Variants in CACNB1 observed in about 807,000 individuals in gnomAD.
CACNB1 encodes the protein voltage-dependent L-type calcium channel subunit beta-1.
CACNB1 carries 29 observed loss-of-function variants against 71.6 expected under a neutral mutation model. That is an observed-to-expected ratio of 0.40 (90% CI 0.30 to 0.55). The LOEUF (loss-of-function observed/expected upper bound fraction) is 0.55. Ranked by LOEUF, CACNB1 falls within the 20% of genes least tolerant of loss-of-function variation. The pLI is 0.38. For synonymous variants in CACNB1, 300 were observed against 319.6 expected, an observed-to-expected ratio of 0.94 and a Z score of 0.65; for missense variants, 623 against 801.8, an observed-to-expected ratio of 0.78 and a Z score of 2.69.
rs772947242 is a variant in CACNB1, at chr17:39,177,986, G to T, written c.1144C>A (p.Pro382Thr). 6.2e-7 allele frequency: 1 copy of T among 1,611,850 alleles called. No homozygotes were observed. Among genetic ancestry groups the T allele is most frequent in the South Asian group, 1.1e-5 (1 of 91,026 alleles). The change falls in exon 12 of 14, where the codon CCT becomes ACT. Residue 382 changes from proline to threonine, a missense_variant and splice_region_variant. Transcript: ENST00000394303. Reference sequence around the variant, plus strand: ...TTCCCTGGGATCTAGGCACTCACAGGGGGGCACTGTGCCAGCTTTTCCGAG... The same window carrying T: ...TTCCCTGGGATCTAGGCACTCACAGTGGGGCACTGTGCCAGCTTTTCCGAG... ...AASEKLAQCP[P>T]EMFDIILDEN...
At position 39,175,414 on chromosome 17, in the gene CACNB1, G is replaced by T; in HGVS notation, c.1576C>A (p.Pro526Thr). The T allele has an allele frequency of 6.2e-7, 1 of 1,614,204 alleles. No individual in the cohort carries two copies. Among genetic ancestry groups the T allele is most frequent in the Non-Finnish European group, 8.5e-7 (1 of 1,180,038 alleles). The change falls in exon 14 of 14, where the codon CCC becomes ACC. Residue 526 changes from proline to threonine, a missense_variant. By Grantham distance (38) the Pro-to-Thr change is conservative. Coordinates refer to ENST00000394303, the MANE Select transcript of CACNB1 (RefSeq NM_000723.5). The surrounding 1 kb of genome is among the most constrained non-coding windows in gnomAD (Gnocchi z 4.7). ...GDSCVDMETDPSEGPGLGDPA... is the reference protein window; with the variant it reads ...GDSCVDMETDTSEGPGLGDPA... Reference sequence around the variant, plus strand: ...TCTCCAAGCCCTGGCCCCTCTGAGGGGTCAGTCTCCATGTCCACACATGAG... The same window carrying T: ...TCTCCAAGCCCTGGCCCCTCTGAGGTGTCAGTCTCCATGTCCACACATGAG...
chr17:39,187,150 C>A, intron 4 of CACNB1: 3 of 608,780 alleles, frequency 4.9e-6, no homozygotes, highest in South Asian at 4.0e-5. Flanking sequence ...CTGCCACCGG[C>A]CCAATGCAAT....
rs776060058 is a variant in CACNB1, at chr17:39,191,658, C to A, written c.172-65G>T. ...CTCCCAGCTCCTGGGCCTGGGAAGG[C>A]ATGGAGGTGCCACCCATCATGGATG... On this transcript the variant is annotated intron_variant, in intron 2 of 13. Transcript: ENST00000394303. 5.8e-6 allele frequency: 9 copies of A among 1,548,614 alleles called. 1 individual carries two copies. The South Asian group carries it at 9.5e-5, about 16-fold the overall frequency.
At position 39,187,076 on chromosome 17, in the gene CACNB1, T is replaced by C; in HGVS notation, c.415-147A>G. The C allele has an allele frequency of 3.9e-6, 3 of 774,820 alleles. No individual in the cohort carries two copies. In the Admixed American group the frequency reaches 7.8e-5, roughly 20 times the overall value. 48.0% of individuals were successfully genotyped at this position (774,820 alleles called of 1,614,324 possible). On this transcript the variant is annotated intron_variant, in intron 4 of 13. Coordinates refer to ENST00000394303, the MANE Select transcript of CACNB1 (RefSeq NM_000723.5). ...AATCCCCAGCCCTGGCTCCAGCCTC[T>C]GAGTGGAGCTGCCAATTCTCAGGAC...
chr17:39,183,351 AG>A (rs200391274), intron 11 of CACNB1, among the ~76,000 whole-genome samples: 7,537 of 151,946 alleles, frequency 0.05, 308 homozygotes, highest in Non-Finnish European at 0.074. Context: ...AAGAAGAAGA[AG>A]AAGAAGAAGA....
Position 39,175,382 on chromosome 17 carries a change from T to C in CACNB1, c.1608A>G (p.Ala536=). ...PSEGPGLGDP[A]GGGTPPARQG... is the part of the protein sequence containing the mutation. ...GTCGGGCTGGGGGCGTGCCGCCCCC[T>C]GCAGGGTCTCCAAGCCCTGGCCCCT... is the stretch of plus-strand genomic sequence containing the variant. The change falls in exon 14 of 14, where the codon GCA becomes GCG. Residue 536 remains alanine, a synonymous_variant. Transcript: ENST00000394303. This position sits in a 1 kb window ranked among gnomAD's most constrained non-coding sequence, Gnocchi z 4.7. 6.2e-7 allele frequency: 1 copy of C among 1,614,122 alleles called. No homozygotes were observed. Among genetic ancestry groups the C allele is most frequent in the Non-Finnish European group, 8.5e-7 (1 of 1,179,992 alleles).
chr17:39,188,281 TA>T (rs879573264), intron 3 of CACNB1, among the ~76,000 whole-genome samples: 164 of 138,280 alleles, frequency 1.2e-3, no homozygotes, highest in Non-Finnish European at 1.3e-3. Context: ...AGACTCTGTC[TA>T]AAAAAAAAAA....
Position 39,186,832 on chromosome 17 carries a change from AGCAGGCGAAG to A in CACNB1, c.502_511del (p.Leu168CysfsTer28). The A allele has an allele frequency of 1.2e-6, 2 of 1,614,106 alleles. No homozygotes were observed. The highest frequency in any genetic ancestry group is 1.7e-6 in the Non-Finnish European group (2 of 1,179,978). Reference sequence around the variant, plus strand: ...GTTCTGGCGCAGCTTCTGTTCCTGCAGCAGGCGAAGGCTGTCCAGTTTGACGGGGCTGGGA... The same window carrying A: ...GTTCTGGCGCAGCTTCTGTTCCTGCAGCTGTCCAGTTTGACGGGGCTGGGA... On this transcript the variant is annotated frameshift_variant, in exon 5 of 14. Transcript: ENST00000394303. LOFTEE classifies it high-confidence loss of function. This position sits in a 1 kb window ranked among gnomAD's most constrained non-coding sequence, Gnocchi z 4.1.
chr17:39,194,995 G>C lies in CACNB1; in HGVS notation c.85-25C>G, dbSNP rs1373050228. The stretch of plus-strand genomic sequence containing the variant: ...CCTGAAGAGGCCAGGAAAGGAACAA[G>C]AGTAGAATCAGAAGGGCCCTTTCCC... On this transcript the variant is annotated intron_variant, in intron 1 of 13. Coordinates refer to ENST00000394303, the MANE Select transcript of CACNB1 (RefSeq NM_000723.5). The surrounding 1 kb of genome is among the most constrained non-coding windows in gnomAD (Gnocchi z 4.6). 1 of 1,549,026 alleles carries C rather than the reference G, an allele frequency of 6.5e-7. No homozygotes were observed. Among genetic ancestry groups the C allele is most frequent in the Non-Finnish European group, 8.9e-7 (1 of 1,126,366 alleles).
chr17:39,176,410 T>C (rs2144077233), intron 13 of CACNB1, among the ~76,000 whole-genome samples: 1 of 152,212 alleles, frequency 6.6e-6, no homozygotes, highest in East Asian at 1.9e-4. Flanking sequence ...CATTTCTTGG[T>C]TGTAATGTGA....
Position 39,184,041 on chromosome 17 carries a change from G to C in CACNB1, c.888C>G (p.Arg296=). ...KHIIIERSNT[R]SSLAEVQSEI... is the part of the protein sequence containing the mutation. ...CAGGAGTAGGCTCACCCAGGCTGGAGCGTGTGTTGGAGCGCTCAATGATGA... is the reference window on the plus strand; with the variant it reads ...CAGGAGTAGGCTCACCCAGGCTGGACCGTGTGTTGGAGCGCTCAATGATGA... The change falls in exon 10 of 14, where the codon CGC becomes CGG. Residue 296 remains arginine (R), a synonymous_variant. Transcript: ENST00000394303. 1 of 1,611,414 alleles carries C rather than the reference G, an allele frequency of 6.2e-7. No homozygotes were observed. Among genetic ancestry groups the C allele is most frequent in the Non-Finnish European group, 8.5e-7 (1 of 1,177,668 alleles).
At chr17:39,176,103 G>A (rs997099135) in intron 13 of CACNB1, among the ~76,000 whole-genome samples, 1 of 151,992 alleles carries the variant, frequency 6.6e-6, no homozygotes, top group Non-Finnish European at 1.5e-5. Flanking sequence ...TGGCTTCTTC[G>A]ACCCACACCA....
chr17:39,177,465 T>A lies in CACNB1; in HGVS notation c.1217A>T (p.Glu406Val). The A allele has an allele frequency of 1.2e-6, 2 of 1,612,220 alleles. No individual in the cohort carries two copies. The highest frequency in any genetic ancestry group is 1.7e-6 in the Non-Finnish European group (2 of 1,178,556). ...CGGGTGTGTGGCCTTCCAATAGGCT[T>A]CCAAGTACTCCGCCAGATGCTCGCA... ...DACEHLAEYL[E>V]AYWKATHPPS... The change falls in exon 13 of 14, where the codon GAA becomes GTA. Residue 406 changes from glutamate to valine, a missense_variant. By Grantham distance (121) the Glu-to-Val change is moderately radical. Coordinates refer to ENST00000394303, the MANE Select transcript of CACNB1 (RefSeq NM_000723.5).
In CACNB1 at chr17:39,178,016, C is replaced by A. The variant is rs545970256; in HGVS notation, c.1114G>T (p.Ala372Ser). 6.2e-7 allele frequency: 1 copy of A among 1,614,134 alleles called. No individual in the cohort carries two copies. Among genetic ancestry groups the A allele is most frequent in the South Asian group, 1.1e-5 (1 of 91,088 alleles). Reference sequence around the variant, plus strand: ...CACTGTGCCAGCTTTTCCGAGGCCGCTATTTGGACATTGAGGTGTTTGGAC... The same window carrying A: ...CACTGTGCCAGCTTTTCCGAGGCCGATATTTGGACATTGAGGTGTTTGGAC... ...SQSKHLNVQI[A>S]ASEKLAQCPP... is the part of the protein sequence containing the mutation. The change falls in exon 12 of 14, where the codon GCG (alanine) becomes TCG (serine). Residue 372 changes from alanine (A) to serine (S), a missense_variant. Coordinates refer to ENST00000394303, the MANE Select transcript of CACNB1 (RefSeq NM_000723.5).
At chr17:39,189,989 C>G (rs1021568287) in intron 3 of CACNB1, among the ~76,000 whole-genome samples, 4 of 151,746 alleles carry the variant, frequency 2.6e-5, no homozygotes, top group African/African-American at 9.7e-5. Flanking sequence ...GTGGCGGGCG[C>G]CTATAATCCC....
At position 39,186,186 on chromosome 17, in the gene CACNB1, G is replaced by T; in HGVS notation, c.628+310C>A. Reference sequence around the variant, plus strand: ...AGATGAACGTGGAGACACAAGTACAGAACGCAGGGATGGGGATGGGGAAAA... The same window carrying T: ...AGATGAACGTGGAGACACAAGTACATAACGCAGGGATGGGGATGGGGAAAA... On this transcript the variant is annotated intron_variant, in intron 6 of 13. Transcript: ENST00000394303. This position sits in a 1 kb window ranked among gnomAD's most constrained non-coding sequence, Gnocchi z 4.1. The T allele has an allele frequency of 1.7e-6, 2 of 1,194,110 alleles. No homozygotes were observed. Among genetic ancestry groups the T allele is most frequent in the Non-Finnish European group, 2.5e-6 (2 of 815,294 alleles). The allele number at this position is 1,194,110 out of a possible 1,614,324, so 74.0% of individuals were successfully genotyped here.
chr17:39,193,420 G>A (rs767444989), intron 2 of CACNB1: 9 of 440,488 alleles, frequency 2.0e-5, no homozygotes, highest in Non-Finnish European at 3.2e-5. Context: ...TGTTCTACCC[G>A]CTGCCACCCC....
chr17:39,175,479 G>A lies in CACNB1; in HGVS notation c.1511C>T (p.Thr504Ile), dbSNP rs2045554174. The A allele has an allele frequency of 3.1e-6, 5 of 1,614,162 alleles. No individual in the cohort carries two copies. In the Middle Eastern group the frequency reaches 4.9e-4, roughly 160 times the overall value. ...GTAGGCAGAGTTTCGGCTGCCGGGG[G>A]TGTCGGCATCAAAAGTGTCTTGGCG... ...LSRQDTFDAD[T>I]PGSRNSAYTE... The change falls in exon 14 of 14, where the codon ACC becomes ATC. Residue 504 changes from threonine (T) to isoleucine (I), a missense_variant. Transcript: ENST00000394303. The surrounding 1 kb of genome is among the most constrained non-coding windows in gnomAD (Gnocchi z 4.7).
intron 2 of CACNB1, chr17:39,193,775 T>C: frequency 9.4e-6 from 2 of 211,684 alleles, no homozygotes; most frequent in South Asian, 1.1e-4. Flanking sequence ...CACAGCGTCA[T>C]TCTTCCCAGC....
Sources: allele counts gnomAD v4.1 joint callset (sites outside exome capture counted in the v4.1 genomes callset), GRCh38; gene constraint gnomAD v4.1.1; non-coding constraint Gnocchi (gnomAD v3.1); transcripts MANE v1.5; gene names NCBI Gene and HGNC (gene_info 2026-07-23, HGNC 2026-07-21).